The following SHISA9 variants were observed in gnomAD, a reference collection of about 807,000 sequenced individuals.
The protein encoded by SHISA9 is protein shisa-9.
Under a neutral mutation model 38.0 loss-of-function variants are expected in SHISA9, and 13 were observed. The ratio of observed to expected loss-of-function variants is 0.34; its 90% CI spans 0.22 to 0.54. SHISA9 has a LOEUF of 0.54. SHISA9 is among the 20% of genes least tolerant of loss of function. SHISA9 has a pLI of 0.91. For missense variants in SHISA9, 538 were observed against 575.8 expected (o/e 0.93, Z 0.67); for synonymous variants, 275 against 242.0 (o/e 1.14, Z -1.27).
intron 2 of SHISA9, among the ~76,000 whole-genome samples, chr16:13,200,403 T>G (rs1382450292): frequency 9.8e-6 from 1 of 102,102 alleles, no homozygotes; most frequent in Non-Finnish European, 2.0e-5. Flanking sequence ...AAAAAATATA[T>G]CATGAAACAC....
chr16:13,283,498 C>T, the SHISA9 span, among the ~76,000 whole-genome samples: 1 of 152,062 alleles, frequency 6.6e-6, no homozygotes, highest in Non-Finnish European at 1.5e-5. Context: ...AAGCAAGTCA[C>T]ATCTTACATG....
chr16:13,130,249 C>A (rs1018903146), intron 2 of SHISA9, among the ~76,000 whole-genome samples: 1 of 152,070 alleles, frequency 6.6e-6, no homozygotes, highest in Non-Finnish European at 1.5e-5. Flanking sequence ...ATCCTTCCAG[C>A]AACCTTAAGA....
At chr16:13,474,020 C>T in the SHISA9 span, among the ~76,000 whole-genome samples, 1 of 152,160 alleles carries the variant, frequency 6.6e-6, no homozygotes, top group Admixed American at 6.5e-5. Context: ...TGTGGCCATA[C>T]TCAGAAGCCC....
At chr16:13,543,992 G>C in the SHISA9 span, among the ~76,000 whole-genome samples, 509 of 152,216 alleles carry the variant, frequency 3.3e-3, 1 homozygote, top group Non-Finnish European at 5.9e-3. Context: ...AACCCAGAAG[G>C]GGAAGTCACG....
the SHISA9 span, among the ~76,000 whole-genome samples, chr16:13,404,270 GT>G: frequency 6.6e-6 from 1 of 152,174 alleles, no homozygotes; most frequent in Non-Finnish European, 1.5e-5. Flanking sequence ...AGAGATTACA[GT>G]CTAGTTGAGG....
chr16:13,498,769 T>G, the SHISA9 span, among the ~76,000 whole-genome samples: 13 of 151,338 alleles, frequency 8.6e-5, no homozygotes, highest in African/African-American at 2.9e-4. Context: ...AAAAAGAAAA[T>G]AAAAGAAAAG....
chr16:13,316,025 AAGAG>A, the SHISA9 span, among the ~76,000 whole-genome samples: 6 of 151,578 alleles, frequency 4.0e-5, no homozygotes, highest in South Asian at 2.1e-4. Flanking sequence ...TAAAAAAAAA[AAGAG>A]AGAGAGCTTC....
intron 2 of SHISA9, among the ~76,000 whole-genome samples, chr16:13,146,937 C>T (rs114211559): frequency 0.026 from 4,014 of 152,236 alleles, 178 homozygotes; most frequent in African/African-American, 0.09. Flanking sequence ...AAGAAGCATA[C>T]TTTTTGTTTG....
At chr16:12,949,873 T>A (rs997349325) in intron 2 of SHISA9, among the ~76,000 whole-genome samples, 4 of 152,194 alleles carry the variant, frequency 2.6e-5, no homozygotes, top group Non-Finnish European at 2.9e-5. Context: ...TTGGGACCAT[T>A]CCAAATTTTC....
chr16:12,905,100 G>A (rs1210264380), intron 1 of SHISA9, among the ~76,000 whole-genome samples: 2 of 152,148 alleles, frequency 1.3e-5, no homozygotes, highest in Non-Finnish European at 2.9e-5. Flanking sequence ...TGCCTGCTGA[G>A]CACTGTGCAG....
At chr16:13,089,116 G>A (rs1358666584) in intron 2 of SHISA9, among the ~76,000 whole-genome samples, 1 of 152,192 alleles carries the variant, frequency 6.6e-6, no homozygotes, top group Non-Finnish European at 1.5e-5. Flanking sequence ...TACGTTTATT[G>A]ATTTGCGTGT....
At chr16:13,417,927 T>G in the SHISA9 span, among the ~76,000 whole-genome samples, 1 of 152,194 alleles carries the variant, frequency 6.6e-6, no homozygotes, top group Non-Finnish European at 1.5e-5. Flanking sequence ...TGAAATCTCT[T>G]GGGAAGGTTT....
chr16:13,151,995 G>C (rs759044264), intron 2 of SHISA9, among the ~76,000 whole-genome samples: 1 of 152,156 alleles, frequency 6.6e-6, no homozygotes, highest in Admixed American at 6.5e-5. Flanking sequence ...CATTTCTGCC[G>C]CCTTTACCTC....
chr16:12,933,518 C>T (rs1191385097), intron 2 of SHISA9, among the ~76,000 whole-genome samples: 1 of 152,140 alleles, frequency 6.6e-6, no homozygotes, highest in Non-Finnish European at 1.5e-5. Flanking sequence ...GGTCTGGATT[C>T]CTGACCTCAG....
At chr16:13,339,631 T>C in the SHISA9 span, among the ~76,000 whole-genome samples, 1 of 152,102 alleles carries the variant, frequency 6.6e-6, no homozygotes, top group Non-Finnish European at 1.5e-5. Flanking sequence ...GTGTGTTTGT[T>C]TTGAGAAAGA....
At chr16:13,162,330 C>T (rs1420851363) in intron 2 of SHISA9, among the ~76,000 whole-genome samples, 1 of 151,582 alleles carries the variant, frequency 6.6e-6, no homozygotes. Flanking sequence ...TCTTGGGAAA[C>T]AGGGAAGGGA....
chr16:13,016,121 G>A (rs940758791), intron 2 of SHISA9, among the ~76,000 whole-genome samples: 1 of 150,580 alleles, frequency 6.6e-6, no homozygotes, highest in Non-Finnish European at 1.5e-5. Flanking sequence ...CCAAGTAGCT[G>A]GAATTACAGG....
In SHISA9 at chr16:13,240,379, T is replaced by C. The variant is rs2051425267; in HGVS notation, c.*4970T>C. 6.6e-6 allele frequency: 1 copy of C among 152,244 alleles called. No homozygotes were observed. The highest frequency in any genetic ancestry group is 2.4e-5 in the African/African-American group (1 of 41,466). The allele number at this position is 152,244 out of a possible 1,614,324, so 9.4% of individuals were successfully genotyped here. Reference sequence around the variant, plus strand: ...AACATATGTATTCACTATATTAATATGAATTTCTTACCTGGCAATAAAACT... The same window carrying C: ...AACATATGTATTCACTATATTAATACGAATTTCTTACCTGGCAATAAAACT... On this transcript the variant is annotated 3_prime_UTR_variant, in exon 5 of 5. Transcript: ENST00000558583.
At chr16:13,523,581 C>T in the SHISA9 span, among the ~76,000 whole-genome samples, 6 of 152,130 alleles carry the variant, frequency 3.9e-5, no homozygotes, top group Non-Finnish European at 8.8e-5. Context: ...GATGGAGGAG[C>T]AGGCATGTCA....
Sources: gnomAD v4.1 joint callset for allele counts (sites outside exome capture counted in the v4.1 genomes callset) on GRCh38, gnomAD v4.1.1 for gene constraint, MANE v1.5 for transcripts, NCBI Gene and HGNC (gene_info 2026-07-23, HGNC 2026-07-21) for gene names.